PARP8: variants seen among roughly 807,000 people sequenced by gnomAD.
The protein encoded by PARP8 is poly(ADP-ribose) polymerase family member 8, also known as protein mono-ADP-ribosyltransferase PARP8.
Under a neutral mutation model 124.1 loss-of-function variants are expected in PARP8, and 51 were observed. The observed-to-expected ratio is 0.41, with a 90% CI of 0.33 to 0.52. The LOEUF (loss-of-function observed/expected upper bound fraction) is 0.52. Ranked by LOEUF, PARP8 falls within the 20% of genes least tolerant of loss-of-function variation. The pLI, the probability that PARP8 is intolerant of heterozygous loss-of-function variation, is 0.21. For missense variants in PARP8, 860 were observed against 1,018.9 expected, an observed-to-expected ratio of 0.84 and a Z score of 2.12; for synonymous variants, 391 against 361.5, an observed-to-expected ratio of 1.08 and a Z score of -0.93.
chr5:50,782,943 G>A (rs1001109363), intron 9 of PARP8, among the ~76,000 whole-genome samples: 2 of 152,174 alleles, frequency 1.3e-5, no homozygotes, highest in African/African-American at 4.8e-5. Flanking sequence ...ACAGTCCCTT[G>A]GGGCTGGAAT....
intron 2 of PARP8, among the ~76,000 whole-genome samples, chr5:50,713,750 T>G (rs1755019137): frequency 6.6e-6 from 1 of 152,018 alleles, no homozygotes; most frequent in African/African-American, 2.4e-5. Context: ...GAGCCCAGTG[T>G]CATCACATGG....
Position 50,750,160 on chromosome 5 carries a change from C to T in PARP8, c.156C>T (p.Tyr52=). ...TTGTTTGTTTTAACAGTGTATCCTA[C>T]TCAGTACATGTATCTGAAGATTACC... is the stretch of plus-strand genomic sequence containing the variant. The part of the protein sequence containing the change: ...TYVGGPRSVS[Y]SVHVSEDYPD... The change falls in exon 3 of 26, where the codon TAC becomes TAT. Residue 52 remains tyrosine, a synonymous_variant. Coordinates refer to ENST00000281631, the MANE Select transcript of PARP8 (RefSeq NM_024615.4). The T allele has an allele frequency of 6.3e-7, 1 of 1,586,428 alleles. No homozygotes were observed. Among genetic ancestry groups the T allele is most frequent in the Non-Finnish European group, 8.6e-7 (1 of 1,156,182 alleles).
chr5:50,714,347 A>G (rs1177476793), intron 2 of PARP8, among the ~76,000 whole-genome samples: 1 of 151,968 alleles, frequency 6.6e-6, no homozygotes, highest in African/African-American at 2.4e-5. Context: ...TCTTTCCATA[A>G]TCCTCTTAGA....
chr5:50,824,851 G>GA, intron 17 of PARP8, 57 bp from the exon 18 acceptor site: 1 of 1,473,792 alleles, frequency 6.8e-7, no homozygotes, highest in East Asian at 2.3e-5. Flanking sequence ...TTCCTTTTGT[G>GA]AAAACGGAAA....
At chr5:50,706,258 T>C (rs1754139828) in intron 2 of PARP8, among the ~76,000 whole-genome samples, 3 of 152,166 alleles carry the variant, frequency 2.0e-5, no homozygotes, top group Admixed American at 2.0e-4. Context: ...TGGAATTTTA[T>C]TTCTGTGACG....
intron 2 of PARP8, among the ~76,000 whole-genome samples, chr5:50,710,676 A>G (rs1202566028): frequency 1.3e-5 from 2 of 152,122 alleles, no homozygotes; most frequent in East Asian, 3.9e-4. Context: ...TTTTGTGTGG[A>G]TGCTCTTTTG....
rs190057320 is a variant in PARP8, at chr5:50,841,867, C to T, written c.2463-99C>T. ...ACAACCGTATAATTTGCTTTTGATT[C>T]TCTTGGGCTATATTTTAGGTATCAA... On this transcript the variant is annotated intron_variant, in intron 25 of 25. Coordinates refer to ENST00000281631, the MANE Select transcript of PARP8 (RefSeq NM_024615.4). 2.7e-4 allele frequency: 214 copies of T among 787,122 alleles called. 1 individual carries two copies. In the East Asian group the frequency reaches 5.5e-3, roughly 20 times the overall value. 48.8% of individuals were successfully genotyped at this position (787,122 alleles called of 1,614,324 possible).
chr5:50,826,954 T>C (rs1235675282), intron 19 of PARP8, 151 bp downstream of exon 19: 6 of 1,151,758 alleles, frequency 5.2e-6, no homozygotes, highest in Non-Finnish European at 7.1e-6. Flanking sequence ...AAATAGCCAT[T>C]GCTCACTAGC....
At chr5:50,826,325 T>C (rs544734720) in intron 18 of PARP8, among the ~76,000 whole-genome samples, 43 of 151,092 alleles carry the variant, frequency 2.8e-4, no homozygotes, top group African/African-American at 1.0e-3. Flanking sequence ...GATCCTCAAA[T>C]ATTTAAAGAA....
intron 3 of PARP8, among the ~76,000 whole-genome samples, chr5:50,750,820 A>G (rs1759173678): frequency 6.6e-6 from 1 of 152,156 alleles, no homozygotes; most frequent in South Asian, 2.1e-4. Context: ...CAGTTATACA[A>G]TGAAGTTATT....
chr5:50,759,515 C>T, intron 3 of PARP8, 128 bp from the exon 4 acceptor site: 1 of 1,046,984 alleles, frequency 9.6e-7, no homozygotes, highest in Non-Finnish European at 1.3e-6. Context: ...TGAGTTTAAT[C>T]AAACAGTAGT....
chr5:50,753,355 A>G (rs1475846722), intron 3 of PARP8, among the ~76,000 whole-genome samples: 2 of 152,104 alleles, frequency 1.3e-5, no homozygotes, highest in Non-Finnish European at 2.9e-5. Flanking sequence ...CCTACATGAT[A>G]TACTTGAGCA....
At chr5:50,825,947 T>C (rs1335815232) in intron 18 of PARP8, among the ~76,000 whole-genome samples, 1 of 152,194 alleles carries the variant, frequency 6.6e-6, no homozygotes, top group Non-Finnish European at 1.5e-5. Flanking sequence ...TATAGAAGCC[T>C]TCCTTCTTTG....
At chr5:50,813,074 G>GCA (rs1428956711) in intron 14 of PARP8, among the ~76,000 whole-genome samples, 1 of 152,132 alleles carries the variant, frequency 6.6e-6, no homozygotes, top group African/African-American at 2.4e-5. Flanking sequence ...TTAACAATGT[G>GCA]GGCTCTTTTT....
chr5:50,691,228 CT>C (rs1175299414), intron 2 of PARP8, among the ~76,000 whole-genome samples: 2 of 152,176 alleles, frequency 1.3e-5, no homozygotes, highest in African/African-American at 4.8e-5. Flanking sequence ...CCCTTTGCTT[CT>C]TTTTTCCTCC....
At chr5:50,751,273 CTT>C (rs1444740532) in intron 3 of PARP8, among the ~76,000 whole-genome samples, 1 of 152,082 alleles carries the variant, frequency 6.6e-6, no homozygotes, top group Non-Finnish European at 1.5e-5. Context: ...CTTTTTCACA[CTT>C]TACGGGAGCC....
chr5:50,758,527 G>A (rs1333920665), intron 3 of PARP8, among the ~76,000 whole-genome samples: 2 of 152,078 alleles, frequency 1.3e-5, no homozygotes, highest in East Asian at 3.9e-4. Context: ...TCATTGTACC[G>A]ACACAATATT....
chr5:50,666,162 G>T (rs1426868050), upstream of PARP8: 1 of 152,248 alleles, frequency 6.6e-6, no homozygotes, highest in Non-Finnish European at 1.5e-5. Flanking sequence ...GGAGGAAAAA[G>T]ACTCAGGCAC....
At chr5:50,807,637 T>A (rs1252051143) in intron 14 of PARP8, among the ~76,000 whole-genome samples, 3 of 152,252 alleles carry the variant, frequency 2.0e-5, no homozygotes, top group African/African-American at 7.2e-5. Flanking sequence ...TCTGTTATAC[T>A]CACCTTAATC....
Sources: gnomAD v4.1 joint callset for allele counts (sites outside exome capture counted in the v4.1 genomes callset) on GRCh38, gnomAD v4.1.1 for gene constraint, MANE v1.5 for transcripts, NCBI Gene and HGNC (gene_info 2026-07-23, HGNC 2026-07-21) for gene names.